Variants in NRG3 observed in about 807,000 individuals in gnomAD.
The protein encoded by NRG3 is pro-neuregulin-3, membrane-bound isoform.
Under a neutral mutation model 66.9 loss-of-function variants are expected in NRG3, and 31 were observed. The ratio of observed to expected loss-of-function variants is 0.46; its 90% CI spans 0.35 to 0.63. The LOEUF (loss-of-function observed/expected upper bound fraction) is 0.63, where lower values mean the gene tolerates loss of function less well. Among genes scored for constraint, NRG3 ranks in the 20% least tolerant of loss-of-function variants. NRG3 has a pLI of 0.00. For synonymous variants in NRG3, 393 were observed against 359.4 expected, an observed-to-expected ratio of 1.09 and a Z score of -1.06; for missense variants, 910 against 878.9, an observed-to-expected ratio of 1.04 and a Z score of -0.45.
At chr10:82,515,340 G>A (rs555748993) in intron 2 of NRG3, among the ~76,000 whole-genome samples, 1 of 152,202 alleles carries the variant, frequency 6.6e-6, no homozygotes, top group South Asian at 2.1e-4. Flanking sequence ...TACTGTTTTT[G>A]TTTTAATGTA....
intron 1 of NRG3, among the ~76,000 whole-genome samples, chr10:82,332,814 T>G (rs1257212542): frequency 6.6e-6 from 1 of 152,144 alleles, no homozygotes; most frequent in African/African-American, 2.4e-5. Context: ...AAACTGATAC[T>G]TATGATCCAA....
intron 3 of NRG3, among the ~76,000 whole-genome samples, chr10:82,862,337 G>A (rs2135928264): frequency 1.3e-5 from 2 of 152,214 alleles, no homozygotes; most frequent in African/African-American, 4.8e-5. Context: ...ACTGAGAGAG[G>A]GGCAGAGACT....
At position 82,440,512 on chromosome 10, in the gene NRG3, G is replaced by A. The variant is rs117799502; in HGVS notation, c.953+81644G>A. The stretch of plus-strand genomic sequence containing the variant: ...TTTTGATGTTTCCTGTGTCTCGGAG[G>A]CTTTGCAGTGAAACTTGATTGTTAA... On this transcript the variant is annotated intron_variant, in intron 2 of 8. Coordinates refer to ENST00000372141, the MANE Select transcript of NRG3 (RefSeq NM_001010848.4). Among the ~76,000 whole-genome samples the A allele has an allele frequency of 8.2e-3, 1,249 of 151,724 alleles. 7 individuals are homozygous for A. Among genetic ancestry groups the A allele is most frequent in the Non-Finnish European group, 0.014 (956 of 67,882 alleles).
At chr10:82,598,249 A>G (rs1241523292) in intron 2 of NRG3, among the ~76,000 whole-genome samples, 2 of 152,224 alleles carry the variant, frequency 1.3e-5, no homozygotes, top group African/African-American at 4.8e-5. Flanking sequence ...ATGTAGACAA[A>G]TCTATACATT....
At chr10:82,730,377 C>A (rs1318789456) in intron 2 of NRG3, among the ~76,000 whole-genome samples, 2 of 152,094 alleles carry the variant, frequency 1.3e-5, no homozygotes, top group Non-Finnish European at 1.5e-5. Flanking sequence ...AGCTACCGTG[C>A]CTGGCCAATC....
At chr10:82,593,538 C>T (rs1389018634) in intron 2 of NRG3, among the ~76,000 whole-genome samples, 4 of 143,116 alleles carry the variant, frequency 2.8e-5, no homozygotes, top group African/African-American at 5.5e-5. Flanking sequence ...ACCTCAAAGC[C>T]ATTAATTAAC....
intron 4 of NRG3, among the ~76,000 whole-genome samples, chr10:82,914,978 G>A (rs958770189): frequency 6.6e-6 from 1 of 152,132 alleles, no homozygotes; most frequent in African/African-American, 2.4e-5. Context: ...CCTGCCAGAT[G>A]CATTAGGGGA....
intron 1 of NRG3, among the ~76,000 whole-genome samples, chr10:82,132,468 G>GATATATATATCATATATATATATATCAT (rs1214093251): frequency 8.3e-6 from 1 of 119,920 alleles, no homozygotes; most frequent in South Asian, 2.4e-4. Context: ...TGATATATAT[G>GATATATATATCATATATATATATATCAT]ATATATATAT....
intron 3 of NRG3, among the ~76,000 whole-genome samples, chr10:82,795,120 G>GGAA (rs2060744732): frequency 6.6e-6 from 1 of 152,072 alleles, no homozygotes; most frequent in African/African-American, 2.4e-5. Flanking sequence ...TTCCATTACT[G>GGAA]GATATCTTCA....
chr10:81,944,224 G>A (rs1313717677), intron 1 of NRG3, among the ~76,000 whole-genome samples: 1 of 152,228 alleles, frequency 6.6e-6, no homozygotes, highest in Non-Finnish European at 1.5e-5. Context: ...AGCGTCAGAA[G>A]AGACAACATA....
intron 2 of NRG3, among the ~76,000 whole-genome samples, chr10:82,736,470 G>T (rs1053803400): frequency 6.6e-6 from 1 of 152,206 alleles, no homozygotes; most frequent in African/African-American, 2.4e-5. Flanking sequence ...AAGGAACAGG[G>T]TTTGCTGCCT....
chr10:82,330,245 T>G (rs879017900), intron 1 of NRG3, among the ~76,000 whole-genome samples: 1 of 152,144 alleles, frequency 6.6e-6, no homozygotes, highest in Non-Finnish European at 1.5e-5. Flanking sequence ...CTGAATAAAT[T>G]TGAAGAGGAA....
chr10:82,892,321 GA>G (rs1843227826), intron 4 of NRG3, among the ~76,000 whole-genome samples: 1 of 152,004 alleles, frequency 6.6e-6, no homozygotes, highest in Non-Finnish European at 1.5e-5. Flanking sequence ...GAGGCAAGAG[GA>G]AACAACAGAC....
intron 3 of NRG3, among the ~76,000 whole-genome samples, chr10:82,836,749 A>C (rs1229348560): frequency 1.3e-5 from 2 of 148,666 alleles, no homozygotes; most frequent in African/African-American, 2.5e-5. Context: ...TTTTTTTATT[A>C]TACTTTAAGT....
intron 1 of NRG3, among the ~76,000 whole-genome samples, chr10:81,964,073 T>G (rs563110074): frequency 3.9e-5 from 6 of 152,298 alleles, no homozygotes; most frequent in Admixed American, 3.3e-4. Flanking sequence ...GCATCCATTT[T>G]CCCATGCTAA....
chr10:82,680,610 A>C (rs1201847794), intron 2 of NRG3, among the ~76,000 whole-genome samples: 1 of 152,188 alleles, frequency 6.6e-6, no homozygotes, highest in Non-Finnish European at 1.5e-5. Context: ...AGGAAGGACC[A>C]AGATTTCCAG....
intron 1 of NRG3, among the ~76,000 whole-genome samples, chr10:82,117,272 G>A (rs2067786186): frequency 6.6e-6 from 1 of 152,040 alleles, no homozygotes; most frequent in Non-Finnish European, 1.5e-5. Flanking sequence ...GTGTCCATCT[G>A]TCTTTGCTCA....
chr10:82,462,087 C>T (rs2091542631), intron 2 of NRG3, among the ~76,000 whole-genome samples: 2 of 152,132 alleles, frequency 1.3e-5, no homozygotes, highest in Admixed American at 1.3e-4. Flanking sequence ...GCTGAGATCA[C>T]ACCATTGCAT....
intron 1 of NRG3, among the ~76,000 whole-genome samples, chr10:81,978,889 T>C (rs921765860): frequency 4.6e-5 from 7 of 152,056 alleles, no homozygotes; most frequent in Non-Finnish European, 1.0e-4. Context: ...CTAGCCATAA[T>C]GTATTTTTAA....
Sources: gnomAD v4.1 joint callset for allele counts (sites outside exome capture counted in the v4.1 genomes callset) on GRCh38, gnomAD v4.1.1 for gene constraint, MANE v1.5 for transcripts, NCBI Gene and HGNC (gene_info 2026-07-23, HGNC 2026-07-21) for gene names.